Variants in ANO1 observed in about 807,000 individuals in gnomAD.
ANO1 encodes anoctamin-1.
Under a neutral mutation model 124.0 loss-of-function variants are expected in ANO1, and 59 were observed. The ratio of observed to expected loss-of-function variants is 0.48; its 90% CI spans 0.39 to 0.59. ANO1 has a LOEUF of 0.59. Ranked by LOEUF, ANO1 falls within the 20% of genes least tolerant of loss-of-function variation. ANO1 has a pLI of 0.00. For missense variants in ANO1, 1,059 were observed against 1,328.0 expected, an observed-to-expected ratio of 0.80 and a Z score of 3.15; for synonymous variants, 529 against 532.0, an observed-to-expected ratio of 0.99 and a Z score of 0.08.
chr11:70,023,114 T>C (rs1410424463), intron 1 of ANO1, among the ~76,000 whole-genome samples: 1 of 152,224 alleles, frequency 6.6e-6, no homozygotes, highest in African/African-American at 2.4e-5. Context: ...GTGAGATCCA[T>C]GCCGGACTTC....
chr11:70,082,407 A>G (rs1390901522), intron 1 of ANO1, among the ~76,000 whole-genome samples: 1 of 152,166 alleles, frequency 6.6e-6, no homozygotes, highest in Non-Finnish European at 1.5e-5. Flanking sequence ...TAAAATTATG[A>G]ACATTAACCA....
At chr11:70,011,145 G>C (rs1210634447) in intron 1 of ANO1, among the ~76,000 whole-genome samples, 4 of 152,214 alleles carry the variant, frequency 2.6e-5, no homozygotes, top group Admixed American at 6.5e-5. Context: ...GAATGAGTAG[G>C]AGTTAGGCAG....
chr11:70,122,703 G>A (rs1416123815), intron 8 of ANO1, among the ~76,000 whole-genome samples: 5 of 146,254 alleles, frequency 3.4e-5, no homozygotes, highest in African/African-American at 1.0e-4. Context: ...ACCTCTCTCT[G>A]TCTCTCTCGC....
chr11:70,157,963 G>C (rs1162461400), intron 16 of ANO1, among the ~76,000 whole-genome samples: 1 of 126,980 alleles, frequency 7.9e-6, no homozygotes, highest in Admixed American at 9.3e-5. Flanking sequence ...ATGGGTGACA[G>C]AGCGAGACCC....
chr11:69,982,735 C>T (rs1855970110), upstream of ANO1, among the ~76,000 whole-genome samples: 1 of 152,188 alleles, frequency 6.6e-6, no homozygotes, highest in African/African-American at 2.4e-5. Flanking sequence ...CTCACTCCTC[C>T]AGGCTGGAGG....
Position 70,042,489 on chromosome 11 carries a change from C to T in ANO1, c.59-36053C>T, listed in dbSNP as rs148754385. 7.0e-3 allele frequency among the ~76,000 whole-genome samples: 1,061 copies of T among 151,950 alleles called. 11 individuals carry two copies. Among genetic ancestry groups the T allele is most frequent in the Non-Finnish European group, 9.3e-3 (631 of 67,994 alleles). The stretch of plus-strand genomic sequence containing the variant: ...GCATTCATGCATGCGTGCGTATGCA[C>T]GCACACACACACATACATATACACA... On this transcript the variant is annotated intron_variant, in intron 1 of 27. Transcript: ENST00000531349.
intron 1 of ANO1, among the ~76,000 whole-genome samples, chr11:70,013,183 G>A (rs1195438174): frequency 6.6e-6 from 1 of 152,210 alleles, no homozygotes. Context: ...CAGTGCAAAA[G>A]TCCTGAGGCA....
intron 5 of ANO1, among the ~76,000 whole-genome samples, chr11:70,107,795 G>C (rs968661843): frequency 6.6e-6 from 1 of 152,058 alleles, no homozygotes. Flanking sequence ...AGGCAGCCGG[G>C]GGGGAATCCC....
At chr11:69,966,032 A>G in the ANO1 span, among the ~76,000 whole-genome samples, 1 of 152,150 alleles carries the variant, frequency 6.6e-6, no homozygotes, top group East Asian at 1.9e-4. Context: ...ATGGAGATAT[A>G]CAGCTCCTCA....
intron 1 of ANO1, among the ~76,000 whole-genome samples, chr11:70,062,063 C>CTTTTTTTTTTTTTTTTTTTTTTTTTTTTT (rs1857593075): frequency 1.3e-5 from 1 of 76,700 alleles, no homozygotes. Context: ...CTCTTTCCTT[C>CTTTTTTTTTTTTTTTTTTTTTTTTTTTTT]TTTCTTTTTT....
chr11:69,978,402 G>A, the ANO1 span, among the ~76,000 whole-genome samples: 1 of 152,210 alleles, frequency 6.6e-6, no homozygotes, highest in African/African-American at 2.4e-5. Flanking sequence ...GCAGGCTGGA[G>A]TGCAGTGGCA....
chr11:70,172,515 T>C (rs2048518092), intron 22 of ANO1, among the ~76,000 whole-genome samples: 1 of 152,224 alleles, frequency 6.6e-6, no homozygotes, highest in African/African-American at 2.4e-5. Flanking sequence ...AAAGATTCCA[T>C]ACCAGCTTGA....
chr11:69,992,516 C>G lies in ANO1; in HGVS notation c.58+6350C>G, dbSNP rs138639753. 3.9e-5 allele frequency among the ~76,000 whole-genome samples: 6 copies of G among 152,246 alleles called. No homozygotes were observed. The East Asian group carries it at 1.2e-3, about 29-fold the overall frequency. ...CTCTTGGTGAATCCATCAGGATGGG[C>G]CAGCCACACCTGGCTGGGCAGGGGA... On this transcript the variant is annotated intron_variant, in intron 1 of 27. Transcript: ENST00000531349.
At chr11:70,049,925 T>A (rs782299846) in intron 1 of ANO1, among the ~76,000 whole-genome samples, 5 of 152,308 alleles carry the variant, frequency 3.3e-5, no homozygotes, top group Non-Finnish European at 4.4e-5. Flanking sequence ...TTCACCATGT[T>A]GGTCAGGCTG....
chr11:70,085,681 C>T (rs2044346141), intron 1 of ANO1: 2 of 1,466,764 alleles, frequency 1.4e-6, no homozygotes, highest in East Asian at 2.5e-5. Flanking sequence ...GTGGGGCAGC[C>T]CCCAACCAGC....
intron 16 of ANO1, among the ~76,000 whole-genome samples, chr11:70,159,214 CTCCAGGCTGGA>C (rs1160006610): frequency 4.6e-5 from 7 of 152,182 alleles, no homozygotes. Context: ...CACTTCCACT[CTCCAGGCTGGA>C]AGAAGGGGAA....
chr11:70,025,135 T>C (rs1006729669), intron 1 of ANO1, among the ~76,000 whole-genome samples: 26 of 152,292 alleles, frequency 1.7e-4, no homozygotes, highest in South Asian at 4.1e-4. Context: ...TGGCCTCAGA[T>C]CTGAATTCCA....
At chr11:70,020,701 G>C (rs78086667) in intron 1 of ANO1, among the ~76,000 whole-genome samples, 3 of 152,144 alleles carry the variant, frequency 2.0e-5, no homozygotes, top group Non-Finnish European at 4.4e-5. Flanking sequence ...GGGATGACAT[G>C]GGTTCCCCAG....
intron 1 of ANO1, among the ~76,000 whole-genome samples, chr11:70,069,104 C>T (rs1857804324): frequency 6.6e-6 from 1 of 152,210 alleles, no homozygotes; most frequent in South Asian, 2.1e-4. Context: ...ACAGAGGGCC[C>T]GGGGCCATCT....
Sources: gnomAD v4.1 joint callset for allele counts (sites outside exome capture counted in the v4.1 genomes callset) on GRCh38, gnomAD v4.1.1 for gene constraint, MANE v1.5 for transcripts, NCBI Gene and HGNC (gene_info 2026-07-23, HGNC 2026-07-21) for gene names.